The following CAST variants were observed in gnomAD, a reference collection of about 807,000 sequenced individuals.
The protein encoded by CAST is MIR583 host.
A neutral mutation model predicts 119.6 loss-of-function variants in CAST; 76 were observed. The observed-to-expected ratio is 0.64, with a 90% CI of 0.53 to 0.77. The LOEUF (loss-of-function observed/expected upper bound fraction) is 0.77, where lower values mean the gene tolerates loss of function less well. CAST is among the 30% of genes least tolerant of loss of function. The pLI is 0.00. For missense variants in CAST, 953 were observed against 946.5 expected, an observed-to-expected ratio of 1.01 and a Z score of -0.09; for synonymous variants, 319 against 331.6, an observed-to-expected ratio of 0.96 and a Z score of 0.41.
chr5:96,291,025 C>A, the CAST span, among the ~76,000 whole-genome samples: 6 of 152,340 alleles, frequency 3.9e-5, no homozygotes, highest in African/African-American at 1.4e-4. Flanking sequence ...GATATTCAAG[C>A]AGCTTTACAG....
intron 2 of CAST, among the ~76,000 whole-genome samples, chr5:96,690,329 T>C (rs1247687515): frequency 6.6e-6 from 1 of 152,128 alleles, no homozygotes; most frequent in Non-Finnish European, 1.5e-5. Context: ...TCTCCCAGGT[T>C]CAGGCGATTC....
At chr5:96,719,375 G>C (rs1384333130) in intron 3 of CAST, among the ~76,000 whole-genome samples, 2 of 152,202 alleles carry the variant, frequency 1.3e-5, no homozygotes, top group Non-Finnish European at 2.9e-5. Context: ...TGCCCAGGCT[G>C]GTCTCCAACT....
chr5:96,577,960 G>T (rs1746704069), intron 1 of CAST, among the ~76,000 whole-genome samples: 1 of 152,048 alleles, frequency 6.6e-6, no homozygotes, highest in Non-Finnish European at 1.5e-5. Context: ...TTTGTGTATT[G>T]TGTTGTTCAG....
At chr5:96,601,260 T>C (rs1334921797) in intron 1 of CAST, among the ~76,000 whole-genome samples, 2 of 152,236 alleles carry the variant, frequency 1.3e-5, no homozygotes, top group Non-Finnish European at 2.9e-5. Flanking sequence ...GTCTATCACA[T>C]TTTGTGTCCT....
the CAST span, among the ~76,000 whole-genome samples, chr5:96,486,930 C>T: frequency 6.6e-6 from 1 of 151,582 alleles, no homozygotes; most frequent in East Asian, 1.9e-4. Context: ...GAAAAAAAGC[C>T]AATCAAAAAT....
the CAST span, among the ~76,000 whole-genome samples, chr5:96,081,825 T>G: frequency 2.6e-5 from 4 of 152,242 alleles, no homozygotes; most frequent in Non-Finnish European, 5.9e-5. Context: ...AGTAAAGATG[T>G]CTAGCCCTTC....
At chr5:96,085,435 T>A in the CAST span, among the ~76,000 whole-genome samples, 4 of 152,186 alleles carry the variant, frequency 2.6e-5, no homozygotes, top group Non-Finnish European at 5.9e-5. Flanking sequence ...AATTTTAAAT[T>A]GAGACATTTA....
intron 24 of CAST, chr5:96,761,961 G>A (rs1159149762): frequency 1.0e-5 from 2 of 190,778 alleles, no homozygotes; most frequent in African/African-American, 2.3e-5. Flanking sequence ...AATTTTAAAA[G>A]AGCTGAAAAC....
the CAST span, among the ~76,000 whole-genome samples, chr5:96,131,279 G>A: frequency 6.6e-6 from 1 of 152,004 alleles, no homozygotes; most frequent in Non-Finnish European, 1.5e-5. Flanking sequence ...AGAGTAATAT[G>A]TACAGTGTGA....
the CAST span, among the ~76,000 whole-genome samples, chr5:96,159,928 C>G: frequency 6.7e-6 from 1 of 149,470 alleles, no homozygotes; most frequent in East Asian, 2.0e-4. Flanking sequence ...GAGGTCAGTT[C>G]GAGAGCAGCC....
At chr5:96,545,794 C>T (rs6878234) in intron 1 of CAST, among the ~76,000 whole-genome samples, 93,526 of 152,030 alleles carry the variant, frequency 0.62, 29,118 homozygotes, top group East Asian at 0.86. Flanking sequence ...ATGGAGTGTG[C>T]CATTTTTCTT....
At chr5:96,637,677 A>C (rs1291689788) in intron 1 of CAST, among the ~76,000 whole-genome samples, 1 of 152,196 alleles carries the variant, frequency 6.6e-6, no homozygotes, top group African/African-American at 2.4e-5. Flanking sequence ...TAAAACTAAA[A>C]TCCATAAAAG....
chr5:96,604,587 G>A (rs924279135), intron 1 of CAST, among the ~76,000 whole-genome samples: 2 of 152,162 alleles, frequency 1.3e-5, no homozygotes, highest in Non-Finnish European at 2.9e-5. Context: ...CCAGGTACGG[G>A]GATAGGGCAC....
At chr5:96,504,321 G>A in the CAST span, among the ~76,000 whole-genome samples, 1 of 152,078 alleles carries the variant, frequency 6.6e-6, no homozygotes, top group Non-Finnish European at 1.5e-5. Context: ...CATACACGAT[G>A]GCAGTTTATC....
chr5:96,653,717 C>T (rs75754350), intron 1 of CAST, among the ~76,000 whole-genome samples: 3,936 of 151,612 alleles, frequency 0.026, 176 homozygotes, highest in African/African-American at 0.091. Context: ...ATTTAGAAGA[C>T]GAAGGAATAT....
chr5:96,543,491 T>C (rs1745954512), intron 1 of CAST, among the ~76,000 whole-genome samples: 1 of 152,176 alleles, frequency 6.6e-6, no homozygotes, highest in African/African-American at 2.4e-5. Flanking sequence ...GGCACATGTA[T>C]ACCTATGTAA....
chr5:96,597,756 A>G (rs576460590), intron 1 of CAST, among the ~76,000 whole-genome samples: 43 of 152,286 alleles, frequency 2.8e-4, no homozygotes, highest in Non-Finnish European at 3.8e-4. Context: ...CTATGCAAGG[A>G]CATTCATATA....
chr5:96,082,212 C>T, the CAST span, among the ~76,000 whole-genome samples: 3 of 152,104 alleles, frequency 2.0e-5, no homozygotes, highest in East Asian at 5.8e-4. Context: ...ACACCCAGCT[C>T]TTATTTTCTT....
At chr5:96,386,862 G>C in the CAST span, among the ~76,000 whole-genome samples, 5 of 152,120 alleles carry the variant, frequency 3.3e-5, no homozygotes, top group African/African-American at 1.2e-4. Context: ...CTACTCAGGA[G>C]ACTGAGACAG....
Sources: gnomAD v4.1 joint callset for allele counts (sites outside exome capture counted in the v4.1 genomes callset) on GRCh38, gnomAD v4.1.1 for gene constraint, MANE v1.5 for transcripts, NCBI Gene and HGNC (gene_info 2026-07-23, HGNC 2026-07-21) for gene names.